ZNF407: variants seen among roughly 807,000 people sequenced by gnomAD.
The protein encoded by ZNF407 is zinc finger protein 407.
In ZNF407, 17 loss-of-function variants were observed where a neutral mutation model predicts 131.2. The ratio of observed to expected loss-of-function variants is 0.13; its 90% CI spans 0.09 to 0.19. The LOEUF (loss-of-function observed/expected upper bound fraction) is 0.19, where lower values mean the gene tolerates loss of function less well. Ranked by LOEUF, ZNF407 falls within the 10% of genes least tolerant of loss-of-function variation. ZNF407 has a pLI of 1.00. For synonymous variants in ZNF407, 1,156 were observed against 1,062.0 expected, an observed-to-expected ratio of 1.09 and a Z score of -1.72; for missense variants, 2,681 against 2,830.6, an observed-to-expected ratio of 0.95 and a Z score of 1.20.
chr18:74,784,778 T>G (rs959765465), intron 4 of ZNF407, among the ~76,000 whole-genome samples: 7 of 152,242 alleles, frequency 4.6e-5, no homozygotes, highest in African/African-American at 1.4e-4. Flanking sequence ...TATGACTCTT[T>G]GAATTGACTA....
At chr18:74,605,208 A>ACC (rs1349846056) in intron 1 of ZNF407, among the ~76,000 whole-genome samples, 1 of 145,122 alleles carries the variant, frequency 6.9e-6, no homozygotes, top group East Asian at 1.9e-4. Flanking sequence ...CTTGAAGAGC[A>ACC]CCTCCTTCAC....
chr18:75,014,804 C>CT (rs1405834186), intron 8 of ZNF407, among the ~76,000 whole-genome samples: 1 of 151,868 alleles, frequency 6.6e-6, no homozygotes, highest in Non-Finnish European at 1.5e-5. Flanking sequence ...CTTTAAAACA[C>CT]TTAAGAATTG....
chr18:74,684,723 G>A (rs772118939), intron 3 of ZNF407, among the ~76,000 whole-genome samples: 28 of 152,196 alleles, frequency 1.8e-4, no homozygotes, highest in Non-Finnish European at 4.0e-4. Flanking sequence ...GGAAGCTTCT[G>A]TGAATGGCAA....
chr18:74,838,136 T>C (rs968326407), intron 4 of ZNF407, among the ~76,000 whole-genome samples: 1 of 152,212 alleles, frequency 6.6e-6, no homozygotes, highest in African/African-American at 2.4e-5. Flanking sequence ...CTTTAACAGG[T>C]ATATTCCAGC....
At chr18:74,627,343 C>A (rs1479122382) in intron 1 of ZNF407, among the ~76,000 whole-genome samples, 3 of 152,142 alleles carry the variant, frequency 2.0e-5, no homozygotes, top group African/African-American at 4.8e-5. Context: ...CATCTACAGG[C>A]AAGAATACTT....
chr18:74,740,935 A>G (rs540801672), intron 3 of ZNF407, among the ~76,000 whole-genome samples: 37 of 152,248 alleles, frequency 2.4e-4, no homozygotes, highest in South Asian at 1.0e-3. Context: ...GAACTCCCAA[A>G]TCAGCTCGGT....
chr18:74,762,157 A>C lies in ZNF407; in HGVS notation c.4803-19271A>C, dbSNP rs189039923. Reference sequence around the variant, plus strand: ...TATTTACTGTTTATCCTTTCGTAGTACCATAGAGATCTCAAATATAATTTA... The same window carrying C: ...TATTTACTGTTTATCCTTTCGTAGTCCCATAGAGATCTCAAATATAATTTA... On this transcript the variant is annotated intron_variant, in intron 3 of 8. Transcript: ENST00000299687. Among the ~76,000 whole-genome samples, 25 of 152,050 alleles carry C rather than the reference A, an allele frequency of 1.6e-4. 1 individual carries two copies. Among genetic ancestry groups the C allele is most frequent in the Admixed American group, 1.6e-3 (24 of 15,256 alleles).
At chr18:74,784,111 T>A (rs2145035046) in intron 4 of ZNF407, among the ~76,000 whole-genome samples, 1 of 152,328 alleles carries the variant, frequency 6.6e-6, no homozygotes, top group South Asian at 2.1e-4. Context: ...GGACCATCAG[T>A]CTGGGCACAA....
intron 7 of ZNF407, among the ~76,000 whole-genome samples, chr18:74,916,239 TG>T (rs1424311946): frequency 9.2e-6 from 1 of 109,264 alleles, no homozygotes; most frequent in Non-Finnish European, 1.7e-5. Flanking sequence ...TGTGCTGGTA[TG>T]GTGAAGTTGT....
rs79906300 is a variant in ZNF407 at position 75,024,591 on chromosome 18, A to T, written c.5429-38559A>T. ...TTCTGAAAATTTAGTTTAAAGGGTG[A>T]TGAATTTAAAGCTCTGTGTAATGGT... On this transcript the variant is annotated intron_variant, in intron 8 of 8. Transcript: ENST00000299687. 7.2e-3 allele frequency among the ~76,000 whole-genome samples: 1,095 copies of T among 152,320 alleles called. 23 individuals carry two copies. Among genetic ancestry groups the T allele is most frequent in the African/African-American group, 0.025 (1,036 of 41,554 alleles).
intron 8 of ZNF407, among the ~76,000 whole-genome samples, chr18:75,036,896 G>A (rs1214826689): frequency 6.6e-6 from 1 of 152,132 alleles, no homozygotes; most frequent in Non-Finnish European, 1.5e-5. Flanking sequence ...CACTCTTTTG[G>A]GGTTGCTGCC....
chr18:74,798,479 T>C (rs968608119), intron 4 of ZNF407, among the ~76,000 whole-genome samples: 4 of 152,160 alleles, frequency 2.6e-5, no homozygotes, highest in African/African-American at 9.6e-5. Context: ...TATGCAATGA[T>C]GAGGGATTAT....
At chr18:74,636,472 C>T (rs773581243) in intron 2 of ZNF407, among the ~76,000 whole-genome samples, 3 of 152,074 alleles carry the variant, frequency 2.0e-5, no homozygotes, top group Admixed American at 6.5e-5. Context: ...CATTGTGCTC[C>T]GCTTAGACAA....
intron 3 of ZNF407, among the ~76,000 whole-genome samples, chr18:74,695,553 A>G (rs1364639478): frequency 6.6e-6 from 1 of 152,036 alleles, no homozygotes; most frequent in East Asian, 1.9e-4. Context: ...AAAAAAAAAA[A>G]AAGCCCTTGA....
intron 8 of ZNF407, among the ~76,000 whole-genome samples, chr18:75,016,822 C>T (rs1340511300): frequency 2.0e-5 from 3 of 152,098 alleles, no homozygotes; most frequent in Admixed American, 6.5e-5. Context: ...ATTAATACCT[C>T]TATATTTATC....
chr18:74,850,794 G>T (rs531344993), intron 4 of ZNF407, among the ~76,000 whole-genome samples: 2 of 152,048 alleles, frequency 1.3e-5, no homozygotes, highest in African/African-American at 4.8e-5. Context: ...TTCGTGTTCC[G>T]TATTATGTTT....
intron 4 of ZNF407, among the ~76,000 whole-genome samples, chr18:74,808,359 C>G (rs1159644943): frequency 1.3e-5 from 2 of 151,974 alleles, no homozygotes; most frequent in African/African-American, 4.8e-5. Flanking sequence ...TCATAAAGCT[C>G]TAAGTGTTAA....
At chr18:74,891,719 C>G (rs1304570275) in intron 7 of ZNF407, among the ~76,000 whole-genome samples, 72 of 152,182 alleles carry the variant, frequency 4.7e-4, no homozygotes, top group Non-Finnish European at 7.4e-5. Context: ...ATTAAATGTT[C>G]TTTTTCCTTA....
At chr18:74,970,166 C>T (rs369172783) in intron 8 of ZNF407, among the ~76,000 whole-genome samples, 1 of 151,926 alleles carries the variant, frequency 6.6e-6, no homozygotes, top group Admixed American at 6.6e-5. Flanking sequence ...CAATCACCCC[C>T]GCCCCCCTCC....
Sources: gnomAD v4.1 joint callset for allele counts (sites outside exome capture counted in the v4.1 genomes callset) on GRCh38, gnomAD v4.1.1 for gene constraint, MANE v1.5 for transcripts, NCBI Gene and HGNC (gene_info 2026-07-23, HGNC 2026-07-21) for gene names.